MYT1L: variants seen among roughly 807,000 people sequenced by gnomAD.
The protein encoded by MYT1L is myelin transcription factor 1 like.
In MYT1L, 12 loss-of-function variants were observed where a neutral mutation model predicts 126.7. The observed-to-expected ratio is 0.09, with a 90% confidence interval of 0.06 to 0.15. The LOEUF is 0.15. MYT1L is among the 10% of genes least tolerant of loss of function. MYT1L has a pLI of 1.00. For synonymous variants in MYT1L, 541 were observed against 604.2 expected, an observed-to-expected ratio of 0.90 and a Z score of 1.53; for missense variants, 979 against 1,585.2, an observed-to-expected ratio of 0.62 and a Z score of 6.49.
Position 1,887,743 on chromosome 2 carries a change from C to A in MYT1L, c.2521-134G>T, listed in dbSNP as rs907691046. Reference sequence around the variant, plus strand: ...GCTGTACCTTTAAGATCCTTTTGGTCCTGATAACGCCCCTACTGAAAATGC... The same window carrying A: ...GCTGTACCTTTAAGATCCTTTTGGTACTGATAACGCCCCTACTGAAAATGC... On this transcript the variant is annotated intron_variant, in intron 16 of 24. Coordinates refer to ENST00000647738, the MANE Select transcript of MYT1L (RefSeq NM_001303052.2). This position sits in a 1 kb window ranked among gnomAD's most constrained non-coding sequence, Gnocchi z 4.8. 2.0e-6 allele frequency: 2 copies of A among 1,015,492 alleles called. No individual in the cohort carries two copies. The highest frequency in any genetic ancestry group is 1.6e-5 in the African/African-American group (1 of 62,110). The allele number at this position is 1,015,492 out of a possible 1,614,324, so 62.9% of individuals were successfully genotyped here.
intron 8 of MYT1L, among the ~76,000 whole-genome samples, chr2:1,967,185 C>T (rs2059432556): frequency 6.6e-6 from 1 of 152,182 alleles, no homozygotes; most frequent in Admixed American, 6.5e-5. Flanking sequence ...CTTTTGGTTT[C>T]TATTGCCAAT....
At chr2:2,192,046 T>C (rs2092615929) in intron 2 of MYT1L, among the ~76,000 whole-genome samples, 1 of 152,246 alleles carries the variant, frequency 6.6e-6, no homozygotes, top group Non-Finnish European at 1.5e-5. Context: ...GAAATCAGTC[T>C]CTTTCTAGAG....
chr2:1,949,185 C>T (rs543577237), intron 8 of MYT1L, among the ~76,000 whole-genome samples: 2 of 152,334 alleles, frequency 1.3e-5, no homozygotes, highest in East Asian at 1.9e-4. Context: ...GAAAACCATG[C>T]TGTCTTATCC....
At chr2:2,147,562 A>C (rs1434253217) in intron 3 of MYT1L, among the ~76,000 whole-genome samples, 1 of 152,252 alleles carries the variant, frequency 6.6e-6, no homozygotes, top group Non-Finnish European at 1.5e-5. Context: ...TTCAGGCACA[A>C]GGCAGAAGCC....
At position 1,917,300 on chromosome 2, in the gene MYT1L, G is replaced by T; in HGVS notation, c.1523C>A (p.Thr508Asn). ...GTGGCCGGTTCCATCACACCCGGGG[G>T]TTGGACACTTGCTCTCTTTCTTTTC... Reference protein sequence around the residue: ...RTEKKESKCPTPGCDGTGHVT... With the variant: ...RTEKKESKCPNPGCDGTGHVT... Residue 508 changes from threonine to asparagine, a missense_variant, in exon 11 of 25, where the codon ACC becomes AAC. By Grantham distance (65) the Thr-to-Asn change is moderately conservative (BLOSUM62 0). This residue lies in a region of MYT1L where 8 missense variants were observed against 52.3 expected (regional missense o/e 0.15). Coordinates refer to ENST00000647738, the MANE Select transcript of MYT1L (RefSeq NM_001303052.2). This position sits in a 1 kb window ranked among gnomAD's most constrained non-coding sequence, Gnocchi z 5.9. 6.2e-7 allele frequency: 1 copy of T among 1,612,970 alleles called. No individual in the cohort carries two copies. Among genetic ancestry groups the T allele is most frequent in the Non-Finnish European group, 8.5e-7 (1 of 1,179,088 alleles).
chr2:2,252,306 G>T (rs1312799214), intron 2 of MYT1L, among the ~76,000 whole-genome samples: 1 of 152,134 alleles, frequency 6.6e-6, no homozygotes, highest in Non-Finnish European at 1.5e-5. Flanking sequence ...CATGCTTCAG[G>T]TTCCAGGCTA....
At chr2:2,211,524 C>T (rs983102125) in intron 2 of MYT1L, among the ~76,000 whole-genome samples, 1 of 152,092 alleles carries the variant, frequency 6.6e-6, no homozygotes, top group African/African-American at 2.4e-5. Context: ...ACTGACAACT[C>T]TGGCCAGGTG....
intron 19 of MYT1L, chr2:1,842,218 A>C: frequency 6.6e-6 from 1 of 152,298 alleles, no homozygotes; most frequent in South Asian, 2.1e-4. Context: ...CCCAGGAGGA[A>C]GTGCTCACTC....
intron 4 of MYT1L, among the ~76,000 whole-genome samples, chr2:2,037,215 G>A (rs1385586281): frequency 6.6e-6 from 1 of 152,128 alleles, no homozygotes; most frequent in Non-Finnish European, 1.5e-5. Context: ...ATTACAACAT[G>A]CAATTGTTTT....
At chr2:1,855,635 G>A (rs942770341) in intron 18 of MYT1L, among the ~76,000 whole-genome samples, 2 of 152,200 alleles carry the variant, frequency 1.3e-5, no homozygotes, top group South Asian at 4.1e-4. Context: ...TGGTTAAGGT[G>A]TAAACTTGCA....
intron 2 of MYT1L, among the ~76,000 whole-genome samples, chr2:2,247,880 G>T (rs2094563749): frequency 6.6e-6 from 1 of 152,064 alleles, no homozygotes; most frequent in African/African-American, 2.4e-5. Context: ...ATGGAATACA[G>T]TGAAAGCAGT....
At chr2:2,031,805 C>G (rs572971757) in intron 4 of MYT1L, among the ~76,000 whole-genome samples, 5 of 139,642 alleles carry the variant, frequency 3.6e-5, no homozygotes, top group South Asian at 2.3e-4. Context: ...TCCTGTGGCC[C>G]AGAGCAGATT....
chr2:1,895,348 A>G (rs934866180), intron 14 of MYT1L, among the ~76,000 whole-genome samples: 2 of 152,250 alleles, frequency 1.3e-5, no homozygotes, highest in Non-Finnish European at 2.9e-5. Context: ...CAGAGTTAGA[A>G]AAACAATGAT....
At chr2:2,257,295 G>A (rs1477314145) in intron 2 of MYT1L, among the ~76,000 whole-genome samples, 1 of 152,168 alleles carries the variant, frequency 6.6e-6, no homozygotes, top group Admixed American at 6.5e-5. Flanking sequence ...TGAACTTGGG[G>A]CTCATATTGG....
intron 5 of MYT1L, among the ~76,000 whole-genome samples, chr2:1,996,840 C>T (rs991980310): frequency 7.5e-5 from 10 of 133,648 alleles, no homozygotes; most frequent in African/African-American, 1.4e-4. Context: ...CGAGTGTAGA[C>T]GGGCCGCCTT....
intron 3 of MYT1L, among the ~76,000 whole-genome samples, chr2:2,153,039 T>G (rs987161693): frequency 6.6e-6 from 1 of 152,224 alleles, no homozygotes; most frequent in Non-Finnish European, 1.5e-5. Context: ...GGCTTGTGCC[T>G]GTAATCTCAG....
At chr2:2,002,281 G>C (rs2062468443) in intron 4 of MYT1L, among the ~76,000 whole-genome samples, 2 of 152,132 alleles carry the variant, frequency 1.3e-5, no homozygotes, top group South Asian at 4.1e-4. Context: ...GCTCTCTGCT[G>C]CTGCCGAACA....
In MYT1L at chr2:1,922,716, C is replaced by T. The variant is rs13399855; in HGVS notation, c.1053G>A (p.Pro351=). Residue 351 remains proline (P), a synonymous_variant, in exon 10 of 25, where the codon CCG becomes CCA. Coordinates refer to ENST00000647738, the MANE Select transcript of MYT1L (RefSeq NM_001303052.2). This position sits in a 1 kb window ranked among gnomAD's most constrained non-coding sequence, Gnocchi z 7.4. ...LSETNPQERN[P]QQNMNIRQHV... is the part of the protein sequence containing the mutation. ...GCTGACGGATGTTCATGTTCTGCTG[C>T]GGATTCCTCTCCTGCGGGTTGGTCT... 80,695 of 1,613,812 alleles carry T rather than the reference C, an allele frequency of 0.05. 2,354 individuals carry two copies. The highest frequency in any genetic ancestry group is 0.056 in the Non-Finnish European group (65,863 of 1,179,848).
chr2:2,105,591 T>C (rs1437696748), intron 3 of MYT1L, among the ~76,000 whole-genome samples: 1 of 152,228 alleles, frequency 6.6e-6, no homozygotes, highest in African/African-American at 2.4e-5. Context: ...TGTGTATCAG[T>C]GGGGCTGGGT....
Sources: gnomAD v4.1 joint callset for allele counts (sites outside exome capture counted in the v4.1 genomes callset) on GRCh38, gnomAD v4.1.1 for gene constraint, gnomAD v4.1.1 regional missense constraint, Gnocchi (gnomAD v3.1) non-coding constraint, MANE v1.5 for transcripts, NCBI Gene and HGNC (gene_info 2026-07-23, HGNC 2026-07-21) for gene names.